PHYKPL: variants seen among roughly 807,000 people sequenced by gnomAD.
PHYKPL encodes the protein 5-phosphonooxy-L-lysine phospho-lyase.
In PHYKPL, 42 loss-of-function variants were observed where a neutral mutation model predicts 51.3. The ratio of observed to expected loss-of-function variants is 0.82; its 90% CI spans 0.64 to 1.06. PHYKPL has a LOEUF of 1.06. PHYKPL is among the 50% of genes least tolerant of loss of function. The probability of loss-of-function intolerance (pLI) is 0.00; values close to 1 mark genes in which losing one functional copy is unlikely to be tolerated. For missense variants in PHYKPL, 655 were observed against 586.6 expected (o/e 1.12, Z -1.20); for synonymous variants, 264 against 236.0 (o/e 1.12, Z -1.09).
intron 8 of PHYKPL, among the ~76,000 whole-genome samples, chr5:178,221,946 C>A (rs1761248830): frequency 6.6e-6 from 1 of 152,160 alleles, no homozygotes; most frequent in East Asian, 1.9e-4. Flanking sequence ...AGCTCTTGAC[C>A]CTGTACCCCA....
Position 178,232,647 on chromosome 5 carries a change from G to T in PHYKPL, c.-97C>A. 4 of 1,210,414 alleles carry T rather than the reference G, an allele frequency of 3.3e-6. No homozygotes were observed. The highest frequency in any genetic ancestry group is 4.1e-6 in the Non-Finnish European group (4 of 969,268). The allele number at this position is 1,210,414 out of a possible 1,614,324, so 75.0% of individuals were successfully genotyped here. ...CCGCTCCGGGCCCCGCCCCTGCCTG[G>T]GTCGGGATTTGGGGCTCAGGTTCGC... On this transcript the variant is annotated 5_prime_UTR_variant, in exon 1 of 13. Transcript: ENST00000308158.
At chr5:178,229,380 T>C (rs572319844) in intron 3 of PHYKPL, among the ~76,000 whole-genome samples, 3 of 152,304 alleles carry the variant, frequency 2.0e-5, no homozygotes, top group South Asian at 2.1e-4. Flanking sequence ...AGTGCTGGGA[T>C]TACAGGCATG....
intron 8 of PHYKPL, among the ~76,000 whole-genome samples, chr5:178,217,145 AATT>A (rs1183413267): frequency 6.6e-6 from 1 of 152,218 alleles, no homozygotes; most frequent in Non-Finnish European, 1.5e-5. Context: ...ATGATAGATA[AATT>A]ATTAAAAATC....
chr5:178,226,481 T>G (rs973251121), intron 3 of PHYKPL: 3 of 152,208 alleles, frequency 2.0e-5, no homozygotes, highest in Admixed American at 6.5e-5. Context: ...TACTGGTTTA[T>G]TATAAAGGAT....
At chr5:178,226,154 C>A (rs1308606228) in intron 3 of PHYKPL, 2 of 151,522 alleles carry the variant, frequency 1.3e-5, no homozygotes, top group African/African-American at 4.9e-5. Context: ...CAGCTCACTG[C>A]AGCCTCTGCC....
intron 6 of PHYKPL, 63 bp from the exon 7 acceptor site, chr5:178,222,997 C>T: frequency 6.6e-7 from 1 of 1,518,916 alleles, no homozygotes; most frequent in Non-Finnish European, 9.1e-7. Flanking sequence ...CTTAGCGTGC[C>T]CTGCTAGTGC....
At position 178,232,528 on chromosome 5, in the gene PHYKPL, T is replaced by C. The variant is rs1355387113; in HGVS notation, c.23A>G (p.Lys8Arg). The C allele has an allele frequency of 3.1e-6, 4 of 1,278,358 alleles. No individual in the cohort carries two copies. The highest frequency in any genetic ancestry group is 8.6e-5 in the Admixed American group (2 of 23,142). The allele number at this position is 1,278,358 out of a possible 1,614,324, so 79.2% of individuals were successfully genotyped here. Reference sequence around the variant, plus strand: ...TTGCCTCAGGGCCAGCGTGTCGGCCTTCGGGCGCTGGTCTGCGGCCATGGT... The same window carrying C: ...TTGCCTCAGGGCCAGCGTGTCGGCCCTCGGGCGCTGGTCTGCGGCCATGGT... MAADQRP[K>R]ADTLALRQRL... The change falls in exon 1 of 13, where the codon AAG (lysine) becomes AGG (arginine). Residue 8 changes from lysine to arginine, a missense_variant. Physicochemically the swap from Lys to Arg is conservative, Grantham distance 26 (BLOSUM62 2). Transcript: ENST00000308158.
intron 6 of PHYKPL, chr5:178,223,580 G>A (rs1354386954): frequency 2.4e-6 from 1 of 425,326 alleles, no homozygotes; most frequent in African/African-American, 2.0e-5. Flanking sequence ...GTTGCAATCA[G>A]AGCAATCTCC....
chr5:178,213,168 T>C, intron 10 of PHYKPL, 65 bp from the exon 11 acceptor site: 2 of 1,588,444 alleles, frequency 1.3e-6, no homozygotes, highest in Non-Finnish European at 1.7e-6. Flanking sequence ...CTTGGCCTCA[T>C]GTCCAGTGCT....
chr5:178,228,297 T>C (rs1762681008), intron 3 of PHYKPL: 11 of 530,506 alleles, frequency 2.1e-5, no homozygotes, highest in Admixed American at 6.7e-5. Flanking sequence ...GAGAAGCTGA[T>C]AGAAAACAGG....
At chr5:178,232,360 G>T (rs1449477466) in intron 1 of PHYKPL, 132 bp downstream of exon 1, 4 of 1,291,942 alleles carry the variant, frequency 3.1e-6, no homozygotes, top group East Asian at 3.3e-5. Flanking sequence ...CCGGGGCAGC[G>T]GCCGGACGGG....
In PHYKPL at chr5:178,232,505, G is replaced by C. The variant is rs914421042; in HGVS notation, c.46C>G (p.Gln16Glu). ...RPKADTLALR[Q>E]RLISSSCRLF... is the part of the protein sequence containing the mutation. The stretch of plus-strand genomic sequence containing the variant: ...CCGCCCGGGTACCTGATGAGCCGTT[G>C]CCTCAGGGCCAGCGTGTCGGCCTTC... Residue 16 changes from glutamine to glutamate, a missense_variant, in exon 1 of 13, where the codon CAA (glutamine) becomes GAA (glutamate). Physicochemically the swap from Gln to Glu is conservative, Grantham distance 29 (BLOSUM62 2). Transcript: ENST00000308158. 1.5e-6 allele frequency: 2 copies of C among 1,347,092 alleles called. No homozygotes were observed. Among genetic ancestry groups the C allele is most frequent in the Non-Finnish European group, 1.9e-6 (2 of 1,058,192 alleles). The allele number at this position is 1,347,092 out of a possible 1,614,324, so 83.4% of individuals were successfully genotyped here. A position where few individuals can be genotyped will look rare whatever the true frequency, so the allele number is the denominator to read the frequency against.
At position 178,211,786 on chromosome 5, in the gene PHYKPL, CAAA is replaced by C. The variant is rs567621837; in HGVS notation, c.*31+101_*31+103del. ...CTTTGGGAAGGAGCATCAGTCAGAA[CAAA>C]AAAAAGTCTTAAAAAAAGGCTCAGC... On this transcript the variant is annotated intron_variant, in intron 12 of 12. Coordinates refer to ENST00000308158, the MANE Select transcript of PHYKPL (RefSeq NM_153373.4). 2.5e-4 allele frequency: 182 copies of C among 741,138 alleles called. 2 individuals carry two copies. The highest frequency in any genetic ancestry group is 7.1e-4 in the Middle Eastern group (2 of 2,822). 45.9% of individuals were successfully genotyped at this position (741,138 alleles called of 1,614,324 possible).
chr5:178,229,890 C>T, intron 3 of PHYKPL, 50 bp downstream of exon 3: 1 of 1,595,684 alleles, frequency 6.3e-7, no homozygotes. Flanking sequence ...GAGTGACTGT[C>T]TTTGTTACCG....
At chr5:178,221,725 T>C (rs1288193980) in intron 8 of PHYKPL, among the ~76,000 whole-genome samples, 2 of 152,160 alleles carry the variant, frequency 1.3e-5, no homozygotes, top group African/African-American at 2.4e-5. Context: ...TCAGTCTGCC[T>C]TCCTCCAGTT....
At chr5:178,210,659 G>C in intron 12 of PHYKPL, 1 of 1,528,188 alleles carries the variant, frequency 6.5e-7, no homozygotes, top group Non-Finnish European at 9.1e-7. Flanking sequence ...TCGCACACAT[G>C]CTTTGTTTGG....
intron 4 of PHYKPL, chr5:178,224,945 A>C: frequency 1.8e-6 from 1 of 571,384 alleles, no homozygotes; most frequent in Non-Finnish European, 3.1e-6. Context: ...CTCATCATTT[A>C]ATCTCTCTCG....
chr5:178,209,470 T>TA (rs775782362), intron 12 of PHYKPL: 8 of 1,594,864 alleles, frequency 5.0e-6, no homozygotes, highest in Non-Finnish European at 6.9e-6. Flanking sequence ...TGGATGAAGA[T>TA]AGGTCCTGTT....
At position 178,214,864 on chromosome 5, in the gene PHYKPL, A is replaced by G. The variant is rs1759424950; in HGVS notation, c.1104T>C (p.Gly368=). Residue 368 remains glycine, a synonymous_variant, in exon 10 of 13, where the codon GGT becomes GGC. Transcript: ENST00000308158. ...GDVRGVGLFI[G]VDLIKDEATR... is the part of the protein sequence containing the mutation. ...TGGCCTCATCTTTGATCAGATCCAC[A>G]CCAATGAAGAGCCCAACACCCCTGC... 3.1e-6 allele frequency: 5 copies of G among 1,613,708 alleles called. No individual in the cohort carries two copies. Among genetic ancestry groups the G allele is most frequent in the African/African-American group, 1.3e-5 (1 of 75,022 alleles).
Sources: allele counts gnomAD v4.1 joint callset (sites outside exome capture counted in the v4.1 genomes callset), GRCh38; gene constraint gnomAD v4.1.1; transcripts MANE v1.5; gene names NCBI Gene and HGNC (gene_info 2026-07-23, HGNC 2026-07-21).